Variants in MNAT1 observed in about 807,000 individuals in gnomAD.
MNAT1 encodes MNAT1 component of CDK activating kinase.
In MNAT1, 43 loss-of-function variants were observed where a neutral mutation model predicts 42.0. The ratio of observed to expected loss-of-function variants is 1.02; its 90% CI spans 0.80 to 1.32. MNAT1 has a LOEUF of 1.32. MNAT1 is among the 40% of genes most tolerant of loss of function. The probability of loss-of-function intolerance (pLI) is 0.00; values close to 1 mark genes in which losing one functional copy is unlikely to be tolerated. For synonymous variants in MNAT1, 118 were observed against 120.0 expected (o/e 0.98, Z 0.11); for missense variants, 306 against 350.4 (o/e 0.87, Z 1.01).
intron 7 of MNAT1, among the ~76,000 whole-genome samples, chr14:60,949,478 CT>C (rs1450077832): frequency 1.3e-5 from 2 of 152,018 alleles, no homozygotes; most frequent in African/African-American, 4.8e-5. Flanking sequence ...ACTTTTAAAA[CT>C]TATGATTTTA....
At chr14:60,811,219 T>C (rs1040275402) in intron 4 of MNAT1, among the ~76,000 whole-genome samples, 3 of 151,958 alleles carry the variant, frequency 2.0e-5, no homozygotes, top group African/African-American at 2.4e-5. Flanking sequence ...CTGTTGATGA[T>C]CACTCCTTAT....
At chr14:60,844,029 A>G (rs1046224758) in intron 6 of MNAT1, among the ~76,000 whole-genome samples, 10 of 152,124 alleles carry the variant, frequency 6.6e-5, no homozygotes, top group Admixed American at 5.2e-4. Flanking sequence ...TGTAGAGAAT[A>G]CTTTTCTTCA....
chr14:60,922,897 G>T (rs1451264285), intron 7 of MNAT1, among the ~76,000 whole-genome samples: 3 of 152,148 alleles, frequency 2.0e-5, no homozygotes, highest in East Asian at 1.9e-4. Flanking sequence ...TAGTATACCA[G>T]ACTTGAAGGT....
chr14:60,922,618 T>G (rs891307622), intron 7 of MNAT1, among the ~76,000 whole-genome samples: 1 of 152,154 alleles, frequency 6.6e-6, no homozygotes, highest in Non-Finnish European at 1.5e-5. Context: ...TCTACAGGGT[T>G]TGATGTTTCT....
chr14:60,777,105 C>T (rs1268085239), intron 1 of MNAT1, among the ~76,000 whole-genome samples: 1 of 152,196 alleles, frequency 6.6e-6, no homozygotes, highest in Non-Finnish European at 1.5e-5. Flanking sequence ...CTGCCTCAGC[C>T]TCCTAAAGTC....
At chr14:60,836,345 G>A (rs1255622692) in intron 6 of MNAT1, among the ~76,000 whole-genome samples, 5 of 152,168 alleles carry the variant, frequency 3.3e-5, no homozygotes, top group Admixed American at 2.6e-4. Context: ...CAGCCTTTTT[G>A]CACTGGTTTT....
In MNAT1 at chr14:60,876,846, G is replaced by A. The variant is rs1029267593; in HGVS notation, c.688-2868G>A. On this transcript the variant is annotated intron_variant, in intron 6 of 7. Coordinates refer to ENST00000261245, the MANE Select transcript of MNAT1 (RefSeq NM_002431.4). ...TCATTTATTCCTTGATGGACACTGCGTTGCTTCCACATTTTTGCTACTGAA... is the reference window on the plus strand; with the variant it reads ...TCATTTATTCCTTGATGGACACTGCATTGCTTCCACATTTTTGCTACTGAA... Among the ~76,000 whole-genome samples the A allele has an allele frequency of 7.2e-5, 11 of 151,944 alleles. No homozygotes were observed. In the East Asian group the frequency reaches 7.7e-4, roughly 11 times the overall value.
At chr14:60,874,040 T>C (rs1428670853) in intron 6 of MNAT1, among the ~76,000 whole-genome samples, 1 of 152,198 alleles carries the variant, frequency 6.6e-6, no homozygotes, top group Non-Finnish European at 1.5e-5. Context: ...TATTACTAGG[T>C]CAAAATATGT....
intron 7 of MNAT1, among the ~76,000 whole-genome samples, chr14:60,929,396 C>G (rs2035839409): frequency 6.6e-6 from 1 of 151,578 alleles, no homozygotes; most frequent in Non-Finnish European, 1.5e-5. Context: ...TTATGTTTTC[C>G]TGTAAAAGTT....
At chr14:60,869,293 G>A (rs1019250275) in intron 6 of MNAT1, among the ~76,000 whole-genome samples, 11 of 151,052 alleles carry the variant, frequency 7.3e-5, no homozygotes, top group Admixed American at 6.6e-5. Context: ...CGCCTGCCTC[G>A]GCCTCCCAAA....
rs747073618 is a variant in MNAT1 at position 60,968,571 on chromosome 14, G to A, written c.*222G>A. 1.7e-5 allele frequency: 22 copies of A among 1,282,498 alleles called. No homozygotes were observed. Among genetic ancestry groups the A allele is most frequent in the Middle Eastern group, 2.0e-4 (1 of 4,998 alleles). The allele number at this position is 1,282,498 out of a possible 1,614,324, so 79.4% of individuals were successfully genotyped here. ...TTATATTTTTCAGAGGATTTGACAC[G>A]ATAAGCCTCATCTGATGGAAGAGAG... On this transcript the variant is annotated 3_prime_UTR_variant, in exon 8 of 8. Transcript: ENST00000261245.
chr14:60,844,033 T>C (rs2033618899), intron 6 of MNAT1, among the ~76,000 whole-genome samples: 1 of 152,202 alleles, frequency 6.6e-6, no homozygotes, highest in Admixed American at 6.5e-5. Context: ...GAGAATACTT[T>C]TCTTCATTGG....
chr14:60,884,624 C>G (rs2034621337), intron 7 of MNAT1, among the ~76,000 whole-genome samples: 1 of 151,992 alleles, frequency 6.6e-6, no homozygotes, highest in African/African-American at 2.4e-5. Flanking sequence ...TGCTTTTTAA[C>G]TTTTTGTTGT....
At chr14:60,916,945 T>C (rs1324068351) in intron 7 of MNAT1, among the ~76,000 whole-genome samples, 1 of 152,074 alleles carries the variant, frequency 6.6e-6, no homozygotes, top group African/African-American at 2.4e-5. Flanking sequence ...AGAGCAAGAC[T>C]CTGTCTCCAA....
chr14:60,739,689 C>A (rs1337303239), intron 1 of MNAT1, among the ~76,000 whole-genome samples: 7 of 152,186 alleles, frequency 4.6e-5, no homozygotes, highest in African/African-American at 1.4e-4. Context: ...ATTTCATGTT[C>A]TTTTTTTAAT....
chr14:60,804,411 A>T (rs1416563494), intron 3 of MNAT1, among the ~76,000 whole-genome samples: 1 of 152,190 alleles, frequency 6.6e-6, no homozygotes, highest in Non-Finnish European at 1.5e-5. Context: ...GACTTGTATT[A>T]TCTGATTATG....
At chr14:60,920,954 A>G (rs2035646596) in intron 7 of MNAT1, among the ~76,000 whole-genome samples, 2 of 152,068 alleles carry the variant, frequency 1.3e-5, no homozygotes. Flanking sequence ...GGGTTAAAGT[A>G]CTCTGGTAAT....
At chr14:60,847,780 T>C (rs917064841) in intron 6 of MNAT1, among the ~76,000 whole-genome samples, 1 of 152,198 alleles carries the variant, frequency 6.6e-6, no homozygotes, top group Non-Finnish European at 1.5e-5. Context: ...CTTATTACAA[T>C]TGACTTCATA....
rs540276083 is a variant in MNAT1, at chr14:60,887,933, C to T, written c.809+8098C>T. 8.7e-4 allele frequency among the ~76,000 whole-genome samples: 130 copies of T among 149,132 alleles called. 1 individual carries two copies. The highest frequency in any genetic ancestry group is 3.4e-3 in the Middle Eastern group (1 of 292). ...AATCTCTGAATAGACCAATAACAGG[C>T]TCTGAAATTGTGGCAATAATCAATA... On this transcript the variant is annotated intron_variant, in intron 7 of 7. Transcript: ENST00000261245.
Sources: gnomAD v4.1 joint callset for allele counts (sites outside exome capture counted in the v4.1 genomes callset) on GRCh38, gnomAD v4.1.1 for gene constraint, MANE v1.5 for transcripts, NCBI Gene and HGNC (gene_info 2026-07-23, HGNC 2026-07-21) for gene names.